Variants in RALGPS1 observed in about 807,000 individuals in gnomAD.
RALGPS1 encodes ras-specific guanine nucleotide-releasing factor RalGPS1.
RALGPS1 carries 19 observed loss-of-function variants against 78.8 expected under a neutral mutation model. The observed-to-expected ratio is 0.24, with a 90% CI of 0.17 to 0.35. The LOEUF is 0.35. Ranked by LOEUF, RALGPS1 falls within the 10% of genes least tolerant of loss-of-function variation. The pLI is 1.00. For missense variants in RALGPS1, 454 were observed against 688.3 expected (o/e 0.66, Z 3.81); for synonymous variants, 228 against 256.3 (o/e 0.89, Z 1.06).
At chr9:127,040,325 C>T (rs776666070) in intron 5 of RALGPS1, among the ~76,000 whole-genome samples, 2 of 151,888 alleles carry the variant, frequency 1.3e-5, no homozygotes, top group African/African-American at 2.4e-5. Context: ...CACTTGCACT[C>T]GAGGGGGCGG....
chr9:127,054,798 G>T (rs1439386703), intron 7 of RALGPS1, among the ~76,000 whole-genome samples: 1 of 152,112 alleles, frequency 6.6e-6, no homozygotes, highest in Non-Finnish European at 1.5e-5. Flanking sequence ...AGACAACATA[G>T]CAAGACCTCA....
intron 1 of RALGPS1, among the ~76,000 whole-genome samples, chr9:126,944,156 G>C (rs1258919050): frequency 1.3e-5 from 2 of 152,250 alleles, no homozygotes; most frequent in Admixed American, 6.5e-5. Context: ...GGCCTGGTGG[G>C]CACCCTTAGG....
intron 4 of RALGPS1, among the ~76,000 whole-genome samples, chr9:127,008,269 T>C (rs1190142534): frequency 6.6e-6 from 1 of 152,214 alleles, no homozygotes; most frequent in Non-Finnish European, 1.5e-5. Context: ...ACTGTGTGGC[T>C]AGTACACTTC....
At chr9:126,933,395 T>C (rs2035978363) in intron 1 of RALGPS1, among the ~76,000 whole-genome samples, 1 of 152,022 alleles carries the variant, frequency 6.6e-6, no homozygotes, top group Non-Finnish European at 1.5e-5. Flanking sequence ...AGTGGGTGAG[T>C]GTCTGACGGG....
At chr9:127,216,932 A>G (rs1043540035) in intron 18 of RALGPS1, 1 of 1,547,884 alleles carries the variant, frequency 6.5e-7, no homozygotes, top group Non-Finnish European at 8.7e-7. Flanking sequence ...CAGGTCCAAC[A>G]GGAACTGACA....
chr9:127,083,322 T>A (rs1274382665), intron 8 of RALGPS1, among the ~76,000 whole-genome samples: 1 of 152,210 alleles, frequency 6.6e-6, no homozygotes, highest in Admixed American at 6.5e-5. Flanking sequence ...ATCCTCTATC[T>A]GGGAGCCAGC....
In RALGPS1 at chr9:126,940,818, G is replaced by A. The variant is rs547695575; in HGVS notation, c.-65-21407G>A. 3.3e-5 allele frequency among the ~76,000 whole-genome samples: 5 copies of A among 152,266 alleles called. No homozygotes were observed. In the South Asian group the frequency reaches 6.2e-4, roughly 19 times the overall value. The stretch of plus-strand genomic sequence containing the variant: ...TGCTGCAGCACCAGGCACCAGACCC[G>A]AACCTGGGAACCGCTGTCTTTAAAT... On this transcript the variant is annotated intron_variant, in intron 1 of 18. Coordinates refer to ENST00000259351, the MANE Select transcript of RALGPS1 (RefSeq NM_014636.3).
At position 127,169,982 on chromosome 9, in the gene RALGPS1, T is replaced by A. The variant is rs80135974; in HGVS notation, c.842+1210T>A. On this transcript the variant is annotated intron_variant, in intron 10 of 18. Transcript: ENST00000259351. ...ATTGGGATGTATCCCCGTCGTAAGT[T>A]GAGGAGCATCTGTATTCTTTTAAAT... Among the ~76,000 whole-genome samples, 838 of 152,346 alleles carry A rather than the reference T, an allele frequency of 5.5e-3. 26 individuals are homozygous for A. The East Asian group carries it at 0.088, about 16-fold the overall frequency.
intron 4 of RALGPS1, among the ~76,000 whole-genome samples, chr9:127,005,365 T>A (rs948240586): frequency 5.9e-5 from 9 of 152,268 alleles, no homozygotes; most frequent in African/African-American, 2.2e-4. Context: ...GTCAAGGCTG[T>A]CTGTGCACAG....
At position 127,195,141 on chromosome 9, in the gene RALGPS1, C is replaced by G; in HGVS notation, c.961C>G (p.Pro321Ala). The change falls in exon 12 of 19, where the codon CCT becomes GCT. Residue 321 changes from proline to alanine, a missense_variant. Physicochemically the swap from Pro to Ala is conservative, Grantham distance 27. Transcript: ENST00000259351. ...SARFSRRPTC[P>A]DTSVAGSLPT... Reference sequence around the variant, plus strand: ...GAGGTTCAGCCGGAGGCCCACCTGTCCTGACACATCTGTTGCTGGCAGCCT... The same window carrying G: ...GAGGTTCAGCCGGAGGCCCACCTGTGCTGACACATCTGTTGCTGGCAGCCT... The G allele has an allele frequency of 6.2e-7, 1 of 1,613,488 alleles. No homozygotes were observed. Among genetic ancestry groups the G allele is most frequent in the South Asian group, 1.1e-5 (1 of 91,082 alleles).
At chr9:126,961,528 A>G (rs1156842113) in intron 1 of RALGPS1, among the ~76,000 whole-genome samples, 2 of 152,174 alleles carry the variant, frequency 1.3e-5, no homozygotes, top group Non-Finnish European at 2.9e-5. Context: ...TCAAGGCTGG[A>G]TGCGGTGGCT....
chr9:127,107,363 A>T (rs2054319262), intron 8 of RALGPS1, among the ~76,000 whole-genome samples: 1 of 152,232 alleles, frequency 6.6e-6, no homozygotes, highest in South Asian at 2.1e-4. Flanking sequence ...ATGTAAGAGC[A>T]TATGGAAGCA....
chr9:127,093,186 A>G (rs947552579), intron 8 of RALGPS1, among the ~76,000 whole-genome samples: 3 of 152,130 alleles, frequency 2.0e-5, no homozygotes, highest in African/African-American at 7.2e-5. Context: ...TGTATGACTG[A>G]GTCCTGGCAA....
intron 4 of RALGPS1, among the ~76,000 whole-genome samples, chr9:127,018,395 T>C (rs1485911434): frequency 6.6e-6 from 1 of 151,758 alleles, no homozygotes; most frequent in Non-Finnish European, 1.5e-5. Flanking sequence ...CCCAACACTT[T>C]GGGAGGCCAA....
At chr9:127,106,658 G>A (rs2065350067) in intron 8 of RALGPS1, among the ~76,000 whole-genome samples, 1 of 152,152 alleles carries the variant, frequency 6.6e-6, no homozygotes, top group African/African-American at 2.4e-5. Flanking sequence ...CTGCACCCAG[G>A]CCAGGTCTTT....
chr9:127,082,094 A>G (rs1212686797), intron 8 of RALGPS1, among the ~76,000 whole-genome samples: 2 of 152,236 alleles, frequency 1.3e-5, no homozygotes, highest in Non-Finnish European at 1.5e-5. Flanking sequence ...AGCAAGTGCC[A>G]GGCCTGGAAG....
chr9:127,061,994 AAATG>A (rs1361091940), intron 7 of RALGPS1, among the ~76,000 whole-genome samples: 1 of 152,232 alleles, frequency 6.6e-6, no homozygotes, highest in Non-Finnish European at 1.5e-5. Flanking sequence ...TATTAGAAAT[AAATG>A]AGAAAATTAT....
At chr9:127,024,755 T>C (rs2134293039) in intron 4 of RALGPS1, among the ~76,000 whole-genome samples, 1 of 152,308 alleles carries the variant, frequency 6.6e-6, no homozygotes, top group African/African-American at 2.4e-5. Flanking sequence ...ATTCATGTTA[T>C]ATTTTTAATT....
intron 1 of RALGPS1, among the ~76,000 whole-genome samples, chr9:126,926,305 A>AAGT (rs1402212641): frequency 6.6e-6 from 1 of 152,226 alleles, no homozygotes; most frequent in Non-Finnish European, 1.5e-5. Context: ...TGACAGATAG[A>AAGT]AGTAAATACA....
Sources: allele counts gnomAD v4.1 joint callset (sites outside exome capture counted in the v4.1 genomes callset), GRCh38; gene constraint gnomAD v4.1.1; transcripts MANE v1.5; gene names NCBI Gene and HGNC (gene_info 2026-07-23, HGNC 2026-07-21).